The following MYO16 variants were observed in gnomAD, a reference collection of about 807,000 sequenced individuals.
MYO16 encodes unconventional myosin-XVI.
MYO16 carries 94 observed loss-of-function variants against 205.3 expected under a neutral mutation model. The ratio of observed to expected loss-of-function variants is 0.46; its 90% confidence interval spans 0.39 to 0.54. MYO16 has a LOEUF of 0.54. Among genes scored for constraint, MYO16 ranks in the 20% least tolerant of loss-of-function variants. The pLI, the probability that MYO16 is intolerant of heterozygous loss-of-function variation, is 0.00. For missense variants in MYO16, 2,315 were observed against 2,387.5 expected, an observed-to-expected ratio of 0.97 and a Z score of 0.63; for synonymous variants, 988 against 954.0, an observed-to-expected ratio of 1.04 and a Z score of -0.66.
chr13:108,826,398 T>C (rs1444921129), intron 9 of MYO16, among the ~76,000 whole-genome samples: 1 of 152,130 alleles, frequency 6.6e-6, no homozygotes, highest in African/African-American at 2.4e-5. Context: ...ACCTGAACTT[T>C]ATGTCATACA....
intron 32 of MYO16, among the ~76,000 whole-genome samples, chr13:109,146,892 A>G (rs1877362718): frequency 6.6e-6 from 1 of 151,580 alleles, no homozygotes; most frequent in African/African-American, 2.4e-5. Context: ...CAAACCATTT[A>G]AATAATATAT....
chr13:109,023,670 A>AATATATGTGTATATACATATATATGT lies in MYO16; in HGVS notation c.2796+3767_2796+3768insGTATATACATATATATGTATATATGT, dbSNP rs1886222196. On this transcript the variant is annotated intron_variant, in intron 23 of 34. Coordinates refer to ENST00000457511, the MANE Select transcript of MYO16 (RefSeq NM_001198950.3). The stretch of plus-strand genomic sequence containing the variant: ...ATATATGTATATATGTATATATGCA[A>AATATATGTGTATATACATATATATGT]ATATATGTATATATACATATATATG... Among the ~76,000 whole-genome samples the AATATATGTGTATATACATATATATGT allele has an allele frequency of 1.2e-4, 8 of 64,886 alleles. 1 individual carries two copies. The South Asian group carries it at 5.4e-3, about 44-fold the overall frequency. The allele number at this position is 64,886 out of a possible 152,430, so 42.6% of individuals were successfully genotyped here.
intron 9 of MYO16, among the ~76,000 whole-genome samples, chr13:108,836,140 G>A (rs1258640812): frequency 6.6e-6 from 1 of 152,164 alleles, no homozygotes; most frequent in Non-Finnish European, 1.5e-5. Flanking sequence ...TCACTGCTGT[G>A]TGCTGCTGAG....
At chr13:109,038,870 C>T (rs1038243557) in intron 23 of MYO16, among the ~76,000 whole-genome samples, 1 of 151,946 alleles carries the variant, frequency 6.6e-6, no homozygotes, top group Non-Finnish European at 1.5e-5. Context: ...TATTACTGTG[C>T]TAAGATTCTA....
At chr13:108,666,437 T>A (rs1232704985) in intron 2 of MYO16, among the ~76,000 whole-genome samples, 2 of 152,124 alleles carry the variant, frequency 1.3e-5, no homozygotes, top group Non-Finnish European at 2.9e-5. Context: ...TCCTTTCCAA[T>A]TGTTTAATTC....
intron 23 of MYO16, among the ~76,000 whole-genome samples, 177 bp downstream of exon 23, chr13:109,020,088 A>G (rs537495356): frequency 2.6e-5 from 4 of 152,318 alleles, no homozygotes; most frequent in Non-Finnish European, 4.4e-5. Context: ...AGGAATTAAC[A>G]TCTTCAGAAT....
At position 108,972,670 on chromosome 13, in the gene MYO16, C is replaced by T. The variant is rs530583251; in HGVS notation, c.2369+7768C>T. ...TTGCTCGGGTGTGACTTGTAGTAAG[C>T]GAGGATCATCGATTTGCATTGCTCA... is the stretch of plus-strand genomic sequence containing the variant. On this transcript the variant is annotated intron_variant, in intron 20 of 34. Transcript: ENST00000457511. Among the ~76,000 whole-genome samples the T allele has an allele frequency of 7.3e-5, 11 of 151,414 alleles. No individual in the cohort carries two copies. In the South Asian group the frequency reaches 1.9e-3, roughly 26 times the overall value.
intron 2 of MYO16, among the ~76,000 whole-genome samples, chr13:108,707,455 AG>A (rs1320007036): frequency 6.6e-6 from 1 of 152,150 alleles, no homozygotes; most frequent in Non-Finnish European, 1.5e-5. Flanking sequence ...AAGCATAGTG[AG>A]GGTCGAGGGT....
At chr13:108,708,928 A>G (rs1000848903) in intron 2 of MYO16, among the ~76,000 whole-genome samples, 1 of 152,098 alleles carries the variant, frequency 6.6e-6, no homozygotes, top group Non-Finnish European at 1.5e-5. Context: ...ATTTTAGTCC[A>G]TTTTTTACCC....
intron 20 of MYO16, among the ~76,000 whole-genome samples, chr13:108,966,937 C>T (rs747849404): frequency 2.6e-5 from 4 of 151,782 alleles, no homozygotes; most frequent in Admixed American, 6.6e-5. Flanking sequence ...ATGTTGTAAT[C>T]GTGTCAAAAA....
At chr13:108,536,858 A>G in the MYO16 span, among the ~76,000 whole-genome samples, 1 of 152,134 alleles carries the variant, frequency 6.6e-6, no homozygotes, top group Non-Finnish European at 1.5e-5. Context: ...TCATTTTACT[A>G]AGGAGACGGA....
At chr13:108,560,233 G>T in the MYO16 span, among the ~76,000 whole-genome samples, 1 of 152,186 alleles carries the variant, frequency 6.6e-6, no homozygotes, top group Non-Finnish European at 1.5e-5. Flanking sequence ...ATATGATGCA[G>T]TTCACCATAC....
chr13:109,099,081 G>T (rs989484406), intron 27 of MYO16, among the ~76,000 whole-genome samples: 2 of 152,052 alleles, frequency 1.3e-5, no homozygotes, highest in Non-Finnish European at 2.9e-5. Context: ...AACTTCCAAT[G>T]GTCAGCCACT....
intron 28 of MYO16, among the ~76,000 whole-genome samples, chr13:109,109,828 C>T (rs539940836): frequency 2.6e-5 from 4 of 152,260 alleles, no homozygotes; most frequent in South Asian, 2.1e-4. Context: ...TCAAAGCAAA[C>T]GTGAGCACAC....
At chr13:109,203,321 A>C (rs1030864830) in intron 34 of MYO16, among the ~76,000 whole-genome samples, 2 of 152,252 alleles carry the variant, frequency 1.3e-5, no homozygotes, top group Admixed American at 1.3e-4. Flanking sequence ...AAATATTCAG[A>C]ATCTACAAGG....
chr13:108,951,548 A>G (rs1343574937), intron 16 of MYO16, among the ~76,000 whole-genome samples: 1 of 152,162 alleles, frequency 6.6e-6, no homozygotes, highest in Non-Finnish European at 1.5e-5. Flanking sequence ...CACAGCAATT[A>G]TGACTTTTAT....
At position 108,844,420 on chromosome 13, in the gene MYO16, G is replaced by T. The variant is rs191322650; in HGVS notation, c.1175G>T (p.Gly392Val). 1.9e-5 allele frequency: 30 copies of T among 1,613,332 alleles called. No individual in the cohort carries two copies. In the Admixed American group the frequency reaches 4.8e-4, roughly 26 times the overall value. Residue 392 changes from glycine (G) to valine (V), a missense_variant, in exon 10 of 35, where the codon GGT (glycine) becomes GTT (valine). This residue lies in a region of MYO16 where 1,213 missense variants were observed against 1,274.4 expected (regional missense o/e 0.95). Transcript: ENST00000457511. ...KDIMFKDATKGLCKQQSQDSI... is the reference protein window; with the variant it reads ...KDIMFKDATKVLCKQQSQDSI... ...ATTATGTTCAAAGATGCAACAAAAG[G>T]TCTGTGTAAGCAGCAGTCTCAGGAC...
At chr13:108,906,726 G>C (rs555288296) in intron 15 of MYO16, among the ~76,000 whole-genome samples, 5 of 152,202 alleles carry the variant, frequency 3.3e-5, no homozygotes, top group Non-Finnish European at 7.3e-5. Flanking sequence ...GTACACGGTA[G>C]GTGCTTTAAG....
intron 21 of MYO16, among the ~76,000 whole-genome samples, chr13:109,004,602 A>G (rs1885328059): frequency 6.6e-6 from 1 of 152,180 alleles, no homozygotes; most frequent in Admixed American, 6.5e-5. Flanking sequence ...ACATAGTTGC[A>G]TGGAAAGTAG....
Sources: allele counts gnomAD v4.1 joint callset (sites outside exome capture counted in the v4.1 genomes callset), GRCh38; gene constraint gnomAD v4.1.1; regional missense constraint gnomAD v4.1.1; transcripts MANE v1.5; gene names NCBI Gene and HGNC (gene_info 2026-07-23, HGNC 2026-07-21).